The following C10orf90 variants were observed in gnomAD, a reference collection of about 807,000 sequenced individuals.
The protein encoded by C10orf90 is chromosome 10 open reading frame 90.
In C10orf90, 56 loss-of-function variants were observed where a neutral mutation model predicts 62.5. The observed-to-expected ratio is 0.90, with a 90% CI of 0.72 to 1.12. C10orf90 has a LOEUF of 1.12. C10orf90 is among the 50% of genes most tolerant of loss of function. C10orf90 has a pLI of 0.00. For missense variants in C10orf90, 970 were observed against 880.4 expected (o/e 1.10, Z -1.29); for synonymous variants, 386 against 340.4 (o/e 1.13, Z -1.47).
At chr10:126,555,320 G>T (rs1304913154) in intron 2 of C10orf90, among the ~76,000 whole-genome samples, 4 of 152,080 alleles carry the variant, frequency 2.6e-5, no homozygotes, top group African/African-American at 4.8e-5. Flanking sequence ...CTAGATCCTG[G>T]ATACAAAAGA....
At chr10:126,556,320 G>A (rs942162968) in intron 2 of C10orf90, among the ~76,000 whole-genome samples, 1 of 152,164 alleles carries the variant, frequency 6.6e-6, no homozygotes, top group African/African-American at 2.4e-5. Flanking sequence ...AGAGCTGAGT[G>A]GGGACTCTGC....
chr10:126,576,667 AT>A (rs1844619038), intron 2 of C10orf90, among the ~76,000 whole-genome samples: 3,092 of 29,454 alleles, frequency 0.1, 873 homozygotes, highest in African/African-American at 0.3. Context: ...ATGTATACAT[AT>A]ATATGTATAC....
chr10:126,497,403 C>T (rs7914041), intron 4 of C10orf90, among the ~76,000 whole-genome samples: 79,093 of 151,826 alleles, frequency 0.52, 21,621 homozygotes, highest in African/African-American at 0.7. Context: ...AGGTGAAGAG[C>T]AAACAACGCA....
intron 4 of C10orf90, among the ~76,000 whole-genome samples, chr10:126,481,060 T>C (rs180794334): frequency 2.7e-4 from 41 of 152,352 alleles, no homozygotes; most frequent in Non-Finnish European, 4.0e-4. Flanking sequence ...TGTGCCAGCT[T>C]CATTCTTGTG....
chr10:126,500,605 G>C (rs752222421), intron 4 of C10orf90, among the ~76,000 whole-genome samples: 1 of 152,060 alleles, frequency 6.6e-6, no homozygotes, highest in Non-Finnish European at 1.5e-5. Context: ...CCACCTACTT[G>C]GTGCTATCTG....
intron 1 of C10orf90, among the ~76,000 whole-genome samples, chr10:126,667,378 A>C (rs1846652558): frequency 1.3e-5 from 2 of 152,164 alleles, no homozygotes; most frequent in Non-Finnish European, 2.9e-5. Flanking sequence ...AATTTTTTAA[A>C]AGAATGAATA....
intron 4 of C10orf90, among the ~76,000 whole-genome samples, chr10:126,466,624 C>T (rs1430546954): frequency 6.6e-6 from 1 of 152,144 alleles, no homozygotes; most frequent in Non-Finnish European, 1.5e-5. Flanking sequence ...CCCAAAGCAC[C>T]TTCCTGGACA....
At chr10:126,512,274 GAA>G (rs891426347) in intron 3 of C10orf90, among the ~76,000 whole-genome samples, 40 of 3,874 alleles carry the variant, frequency 0.01, no homozygotes, top group Middle Eastern at 0.5. Context: ...GAGAGAGAGA[GAA>G]AGAGAGACAG....
chr10:126,664,465 C>T (rs1459908990), intron 1 of C10orf90, among the ~76,000 whole-genome samples: 1 of 152,104 alleles, frequency 6.6e-6, no homozygotes, highest in Non-Finnish European at 1.5e-5. Context: ...ATCATTTTTC[C>T]TATGAACACA....
At chr10:126,629,975 G>A (rs555790204) in intron 2 of C10orf90, among the ~76,000 whole-genome samples, 12 of 152,190 alleles carry the variant, frequency 7.9e-5, no homozygotes, top group Non-Finnish European at 1.6e-4. Flanking sequence ...TTCTCTTTTA[G>A]CTTGCAAATA....
chr10:126,522,182 C>T (rs935950080), intron 2 of C10orf90, among the ~76,000 whole-genome samples: 2 of 152,186 alleles, frequency 1.3e-5, no homozygotes, highest in Non-Finnish European at 2.9e-5. Context: ...ACAGGACAAT[C>T]GCTTGAACCT....
chr10:126,464,635 T>C (rs1860174546), intron 5 of C10orf90, 61 bp downstream of exon 5: 9 of 1,524,114 alleles, frequency 5.9e-6, no homozygotes, highest in Non-Finnish European at 8.0e-6. Flanking sequence ...AGGTAGGCAA[T>C]CAACAAATTT....
chr10:126,525,879 A>C (rs1208378165), intron 2 of C10orf90, among the ~76,000 whole-genome samples: 1 of 152,066 alleles, frequency 6.6e-6, no homozygotes, highest in African/African-American at 2.4e-5. Context: ...TTAATGGAGC[A>C]AGGAGCCCTG....
intron 7 of C10orf90, among the ~76,000 whole-genome samples, chr10:126,458,226 A>G (rs959193615): frequency 6.6e-6 from 1 of 152,134 alleles, no homozygotes; most frequent in Non-Finnish European, 1.5e-5. Flanking sequence ...TCCCCAAAAG[A>G]CTTTTATTCT....
chr10:126,646,370 A>G (rs1846171126), intron 2 of C10orf90, among the ~76,000 whole-genome samples, 195 bp downstream of exon 2: 1 of 152,234 alleles, frequency 6.6e-6, no homozygotes, highest in Non-Finnish European at 1.5e-5. Context: ...GGCATCCTTT[A>G]GCCTCACTGC....
chr10:126,467,451 G>A (rs1860356756), intron 4 of C10orf90, among the ~76,000 whole-genome samples: 1 of 152,186 alleles, frequency 6.6e-6, no homozygotes. Flanking sequence ...CGAGTGGGCT[G>A]AGAGTTCTCA....
chr10:126,467,381 C>T (rs537043637), intron 4 of C10orf90, among the ~76,000 whole-genome samples: 5 of 152,340 alleles, frequency 3.3e-5, no homozygotes, highest in South Asian at 2.1e-4. Context: ...GGTGGGCCCT[C>T]GCAGGACAAG....
intron 2 of C10orf90, among the ~76,000 whole-genome samples, chr10:126,617,259 C>A (rs1175857170): frequency 2.0e-5 from 3 of 152,176 alleles, no homozygotes; most frequent in Non-Finnish European, 4.4e-5. Flanking sequence ...CCAATTTGGT[C>A]TCCAACCAGA....
In C10orf90 at chr10:126,637,915, G is replaced by A. The variant is rs533199434; in HGVS notation, c.313+8650C>T. On this transcript the variant is annotated intron_variant, in intron 2 of 9. Coordinates refer to ENST00000488181, the MANE Select transcript of C10orf90 (RefSeq NM_001350921.2). ...GATGAGAATGAGGAAGGTACAGTTG[G>A]GCTATTGCAGGAGTCCAGGCCAGCA... is the stretch of plus-strand genomic sequence containing the variant. Among the ~76,000 whole-genome samples the A allele has an allele frequency of 2.2e-4, 34 of 152,322 alleles. 1 individual carries two copies. Among genetic ancestry groups the A allele is most frequent in the African/African-American group, 8.2e-4 (34 of 41,570 alleles).
Sources: allele counts gnomAD v4.1 joint callset (sites outside exome capture counted in the v4.1 genomes callset), GRCh38; gene constraint gnomAD v4.1.1; transcripts MANE v1.5; gene names NCBI Gene and HGNC (gene_info 2026-07-23, HGNC 2026-07-21).